TPTE: variants seen among roughly 807,000 people sequenced by gnomAD.
The protein encoded by TPTE is transmembrane phosphatase with tensin homology.
In TPTE, 59 loss-of-function variants were observed where a neutral mutation model predicts 84.1. That is an observed-to-expected ratio of 0.70 (90% CI 0.57 to 0.87). The LOEUF (loss-of-function observed/expected upper bound fraction) is 0.87. Ranked by LOEUF, TPTE falls within the 40% of genes least tolerant of loss-of-function variation. The probability of loss-of-function intolerance (pLI) is 0.00; values close to 1 mark genes in which losing one functional copy is unlikely to be tolerated. For missense variants in TPTE, 382 were observed against 659.6 expected (o/e 0.58, Z 4.61); for synonymous variants, 130 against 223.5 (o/e 0.58, Z 3.73).
chr21:10,554,746 A>C (rs1162551202), intron 8 of TPTE, among the ~76,000 whole-genome samples: 1 of 152,312 alleles, frequency 6.6e-6, no homozygotes, highest in Non-Finnish European at 1.5e-5. Context: ...ATATTCACCA[A>C]AATTTCTGTT....
chr21:10,577,488 A>T lies in TPTE; in HGVS notation c.824A>T (p.His275Leu), dbSNP rs763319578. ...GTTGTGCGGTTTCTAGATAAGAAAC[A>T]CCGAAACCACTATCGAGTCTACAAT... Reference protein sequence around the residue: ...KEVVRFLDKKHRNHYRVYNLC... With the variant: ...KEVVRFLDKKLRNHYRVYNLC... The change falls in exon 15 of 24, where the codon CAC (histidine) becomes CTC (leucine). Residue 275 changes from histidine (H) to leucine (L), a missense_variant. His to Leu is a moderately conservative substitution (Grantham distance 99, BLOSUM62 -3). This residue lies in a region of TPTE where 85 missense variants were observed against 230.9 expected (regional missense o/e 0.37). Coordinates refer to ENST00000618007, the MANE Select transcript of TPTE (RefSeq NM_199261.4). 6.2e-7 allele frequency: 1 copy of T among 1,614,048 alleles called. No homozygotes were observed. The highest frequency in any genetic ancestry group is 8.5e-7 in the Non-Finnish European group (1 of 1,179,870).
intron 7 of TPTE, among the ~76,000 whole-genome samples, chr21:10,546,925 C>G (rs994037590): frequency 2.0e-5 from 3 of 152,310 alleles, no homozygotes; most frequent in African/African-American, 7.2e-5. Flanking sequence ...TCCAGAAGAT[C>G]TAGGTGAGAT....
At chr21:10,566,653 A>G (rs10433264) in intron 10 of TPTE, among the ~76,000 whole-genome samples, 1 of 152,310 alleles carries the variant, frequency 6.6e-6, no homozygotes, top group East Asian at 1.9e-4. Context: ...GTACATATAC[A>G]CAAGAGAGTA....
chr21:10,602,285 T>C, intron 22 of TPTE, 135 bp downstream of exon 22: 1 of 1,130,720 alleles, frequency 8.8e-7, no homozygotes, highest in Non-Finnish European at 1.3e-6. Context: ...ATAACAAATT[T>C]TTTTAAAAGA....
In TPTE at chr21:10,536,657, CTA is replaced by C. The variant is rs564304960; in HGVS notation, c.-43-2022_-43-2021del. 3.0e-4 allele frequency among the ~76,000 whole-genome samples: 45 copies of C among 152,420 alleles called. No homozygotes were observed. In the South Asian group the frequency reaches 9.1e-3, roughly 31 times the overall value. On this transcript the variant is annotated intron_variant, in intron 3 of 23. Coordinates refer to ENST00000618007, the MANE Select transcript of TPTE (RefSeq NM_199261.4). ...ATTATGTGCTTGCGCTCAGGATCAT[CTA>C]TGGCCATACAGAATGTCTTTTACAC...
chr21:10,598,786 T>C (rs1405576942), intron 21 of TPTE, among the ~76,000 whole-genome samples: 1 of 152,422 alleles, frequency 6.6e-6, no homozygotes, highest in Non-Finnish European at 1.5e-5. Context: ...CTAATAACCA[T>C]AAACTTTTAG....
chr21:10,558,765 TCTC>T (rs1176893544), intron 8 of TPTE, among the ~76,000 whole-genome samples: 2 of 152,174 alleles, frequency 1.3e-5, no homozygotes, highest in Non-Finnish European at 2.9e-5. Flanking sequence ...GTTGGAGGCT[TCTC>T]CTCCTGAAGA....
At chr21:10,589,478 G>T (rs1204129193) in intron 17 of TPTE, among the ~76,000 whole-genome samples, 1 of 151,918 alleles carries the variant, frequency 6.6e-6, no homozygotes, top group Admixed American at 6.5e-5. Flanking sequence ...TCAGCCCTAG[G>T]GGTAGGGGGA....
At chr21:10,572,450 C>CAAA (rs58796102) in intron 14 of TPTE, among the ~76,000 whole-genome samples, 2,509 of 131,172 alleles carry the variant, frequency 0.019, 1 homozygote, top group Non-Finnish European at 0.032. Context: ...AGACTGTATC[C>CAAA]AAAAAAAAAA....
At chr21:10,545,191 T>C (rs2074442741) in intron 7 of TPTE, among the ~76,000 whole-genome samples, 1 of 152,308 alleles carries the variant, frequency 6.6e-6, no homozygotes, top group African/African-American at 2.4e-5. Context: ...ATGGGTGAAA[T>C]TTCAAAATAC....
intron 8 of TPTE, among the ~76,000 whole-genome samples, chr21:10,558,930 G>C (rs1237528209): frequency 1.8e-3 from 276 of 152,254 alleles, no homozygotes; most frequent in African/African-American, 6.5e-3. Context: ...AGTCTTTCGG[G>C]TGTTTCTCCT....
intron 21 of TPTE, among the ~76,000 whole-genome samples, chr21:10,598,783 C>T (rs212140): frequency 0.11 from 14,478 of 131,542 alleles, no homozygotes; most frequent in Middle Eastern, 0.12. Context: ...GGTCTAATAA[C>T]CATAAACTTT....
At chr21:10,564,702 A>T (rs1371763955) in intron 10 of TPTE, among the ~76,000 whole-genome samples, 1 of 152,308 alleles carries the variant, frequency 6.6e-6, no homozygotes, top group Admixed American at 6.5e-5. Context: ...CAACATTTGT[A>T]AATCAATCAA....
intron 7 of TPTE, among the ~76,000 whole-genome samples, chr21:10,546,488 G>A (rs1438787803): frequency 1.3e-5 from 2 of 152,306 alleles, no homozygotes; most frequent in African/African-American, 2.4e-5. Flanking sequence ...TAAACCAAAA[G>A]CTAGAAATGA....
intron 7 of TPTE, among the ~76,000 whole-genome samples, chr21:10,544,651 T>G (rs563615711): frequency 7.1e-4 from 108 of 152,364 alleles, no homozygotes; most frequent in African/African-American, 2.5e-3. Flanking sequence ...CCCAAACTGC[T>G]GGGTTTACGG....
At chr21:10,556,425 C>T (rs1194290068) in intron 8 of TPTE, among the ~76,000 whole-genome samples, 51 of 152,292 alleles carry the variant, frequency 3.3e-4, no homozygotes, top group Non-Finnish European at 1.0e-4. Flanking sequence ...GCCACATTTT[C>T]TTCATCCAGT....
intron 23 of TPTE, among the ~76,000 whole-genome samples, chr21:10,604,033 C>T (rs567213193): frequency 6.3e-4 from 96 of 152,102 alleles, no homozygotes; most frequent in Middle Eastern, 3.4e-3. Flanking sequence ...AAGGCAGGAC[C>T]TAGGGAGGCT....
chr21:10,545,950 C>T (rs542589177), intron 7 of TPTE, among the ~76,000 whole-genome samples: 8 of 152,012 alleles, frequency 5.3e-5, no homozygotes, highest in African/African-American at 1.4e-4. Flanking sequence ...ATGTATATAT[C>T]CTTTAGCATA....
At chr21:10,590,205 G>A (rs2075441896) in intron 17 of TPTE, among the ~76,000 whole-genome samples, 1 of 152,310 alleles carries the variant, frequency 6.6e-6, no homozygotes, top group Non-Finnish European at 1.5e-5. Context: ...ATAGATTTTA[G>A]TAAAAACCTC....
Sources: allele counts gnomAD v4.1 joint callset (sites outside exome capture counted in the v4.1 genomes callset), GRCh38; gene constraint gnomAD v4.1.1; regional missense constraint gnomAD v4.1.1; transcripts MANE v1.5; gene names NCBI Gene and HGNC (gene_info 2026-07-23, HGNC 2026-07-21).